Variants in PCDHGA1 observed in about 807,000 individuals in gnomAD.
PCDHGA1 encodes protocadherin gamma-A1.
PCDHGA1 carries 32 observed loss-of-function variants against 58.0 expected under a neutral mutation model. The ratio of observed to expected loss-of-function variants is 0.55; its 90% CI spans 0.42 to 0.74. The LOEUF (loss-of-function observed/expected upper bound fraction) is 0.74. Among genes scored for constraint, PCDHGA1 ranks in the 30% least tolerant of loss-of-function variants. The probability of loss-of-function intolerance (pLI) is 0.00; values close to 1 mark genes in which losing one functional copy is unlikely to be tolerated. For synonymous variants in PCDHGA1, 498 were observed against 501.1 expected (o/e 0.99, Z 0.08); for missense variants, 1,205 against 1,182.3 (o/e 1.02, Z -0.28).
At chr5:141,395,264 A>G in intron 1 of PCDHGA1, 1 of 1,549,832 alleles carries the variant, frequency 6.5e-7, no homozygotes, top group Non-Finnish European at 8.7e-7. Flanking sequence ...GCTTGCTTTT[A>G]ATTTCCAGAT....
intron 1 of PCDHGA1, chr5:141,399,009 C>T (rs759328384): frequency 8.1e-6 from 13 of 1,613,694 alleles, no homozygotes; most frequent in African/African-American, 1.3e-5. Context: ...ATTCAAAGAG[C>T]GGAGAAATTA....
Position 141,485,844 on chromosome 5 carries a change from G to A in PCDHGA1, c.2422-8963G>A, listed in dbSNP as rs201857404. On this transcript the variant is annotated intron_variant, in intron 1 of 3. Transcript: ENST00000517417. The surrounding 1 kb of genome is among the most constrained non-coding windows in gnomAD (Gnocchi z 5.7). ...GATGGAGGGAACCCGCCGAGATCTGGCACCGCAGAGCTCCGGGTATCCGTG... is the reference window on the plus strand; with the variant it reads ...GATGGAGGGAACCCGCCGAGATCTGACACCGCAGAGCTCCGGGTATCCGTG... 6 of 1,613,890 alleles carry A rather than the reference G, an allele frequency of 3.7e-6. No homozygotes were observed. In the East Asian group the frequency reaches 1.1e-4, roughly 30 times the overall value.
chr5:141,341,038 C>G (rs1757014856), intron 1 of PCDHGA1: 5 of 1,614,080 alleles, frequency 3.1e-6, no homozygotes, highest in Non-Finnish European at 4.2e-6. Context: ...ATTCGGACCT[C>G]ACTCTGTACC....
chr5:141,362,416 G>A, intron 1 of PCDHGA1: 3 of 1,614,008 alleles, frequency 1.9e-6, no homozygotes, highest in Non-Finnish European at 2.5e-6. Context: ...CTCACAATCA[G>A]CCAAGACAGA....
intron 1 of PCDHGA1, chr5:141,403,610 C>T: frequency 6.2e-7 from 1 of 1,613,860 alleles, no homozygotes; most frequent in Non-Finnish European, 8.5e-7. Context: ...TGGCGGCGAG[C>T]CGCGTCGCTC....
intron 1 of PCDHGA1, chr5:141,394,113 A>G: frequency 6.2e-7 from 1 of 1,613,950 alleles, no homozygotes; most frequent in Non-Finnish European, 8.5e-7. Flanking sequence ...ACCTCTGTCC[A>G]CTGAAACTCA....
chr5:141,375,842 C>T, intron 1 of PCDHGA1: 2 of 1,614,122 alleles, frequency 1.2e-6, no homozygotes, highest in East Asian at 4.5e-5. Flanking sequence ...GCCCGGCTAC[C>T]TGGTGACCAA....
At position 141,477,744 on chromosome 5, in the gene PCDHGA1, G is replaced by A; in HGVS notation, c.2422-17063G>A. On this transcript the variant is annotated intron_variant, in intron 1 of 3. Coordinates refer to ENST00000517417, the MANE Select transcript of PCDHGA1 (RefSeq NM_018912.3). The surrounding 1 kb of genome is among the most constrained non-coding windows in gnomAD (Gnocchi z 4.9). Reference sequence around the variant, plus strand: ...TTAACAGCTCATATCAGCGATGGGGGCACCCCGGTCCTAGCCACCAACATC... The same window carrying A: ...TTAACAGCTCATATCAGCGATGGGGACACCCCGGTCCTAGCCACCAACATC... 6.2e-7 allele frequency: 1 copy of A among 1,613,778 alleles called. No homozygotes were observed. The highest frequency in any genetic ancestry group is 8.5e-7 in the Non-Finnish European group (1 of 1,180,028).
intron 1 of PCDHGA1, chr5:141,383,196 T>C (rs7704696): frequency 0.066 from 106,221 of 1,613,864 alleles, 4,924 homozygotes; most frequent in African/African-American, 0.24. Context: ...GCGCTCAGAG[T>C]GCGCGGTGTC....
In PCDHGA1 at chr5:141,388,444, A is replaced by G. The variant is rs1034138913; in HGVS notation, c.2421+55339A>G. 28 of 1,613,890 alleles carry G rather than the reference A, an allele frequency of 1.7e-5. No individual in the cohort carries two copies. Among genetic ancestry groups the G allele is most frequent in the Non-Finnish European group, 2.4e-5 (28 of 1,179,886 alleles). Reference sequence around the variant, plus strand: ...TCACTGATAAATAAAGAGAAATCAGATGGCAGTAAATACCCTGAGATGGTA... The same window carrying G: ...TCACTGATAAATAAAGAGAAATCAGGTGGCAGTAAATACCCTGAGATGGTA... On this transcript the variant is annotated intron_variant, in intron 1 of 3. Transcript: ENST00000517417.
At chr5:141,364,448 G>A in intron 1 of PCDHGA1, 1 of 1,613,978 alleles carries the variant, frequency 6.2e-7, no homozygotes, top group Non-Finnish European at 8.5e-7. Flanking sequence ...GGAGGAGCTG[G>A]ACAAAGGCTC....
intron 1 of PCDHGA1, among the ~76,000 whole-genome samples, chr5:141,447,632 T>G (rs931349669): frequency 9.2e-5 from 14 of 152,160 alleles, no homozygotes; most frequent in Non-Finnish European, 2.1e-4. Flanking sequence ...ACCAACAGTA[T>G]GAATGATGGT....
intron 1 of PCDHGA1, among the ~76,000 whole-genome samples, chr5:141,466,965 C>G (rs1345790988): frequency 6.6e-6 from 1 of 152,016 alleles, no homozygotes; most frequent in African/African-American, 2.4e-5. Context: ...CAAATATTTT[C>G]TCACAGCTCA....
intron 1 of PCDHGA1, among the ~76,000 whole-genome samples, chr5:141,451,106 G>A (rs1204327490): frequency 1.3e-5 from 2 of 152,164 alleles, no homozygotes; most frequent in African/African-American, 4.8e-5. Context: ...GGGATTACAG[G>A]CGTGAGCCAC....
chr5:141,415,764 T>G lies in PCDHGA1; in HGVS notation c.2422-79043T>G, dbSNP rs1158166352. The G allele has an allele frequency of 5.0e-6, 7 of 1,391,674 alleles. No homozygotes were observed. The African/African-American group carries it at 7.5e-5, about 15-fold the overall frequency. 86.2% of individuals were successfully genotyped at this position (1,391,674 alleles called of 1,614,324 possible). Reference sequence around the variant, plus strand: ...GGTTTTTTTTTTTTTTTTTTTTTTTTTTTTTTTTACTTTCTGGTAAAATTC... The same window carrying G: ...GGTTTTTTTTTTTTTTTTTTTTTTTGTTTTTTTTACTTTCTGGTAAAATTC... On this transcript the variant is annotated intron_variant, in intron 1 of 3. Coordinates refer to ENST00000517417, the MANE Select transcript of PCDHGA1 (RefSeq NM_018912.3).
At chr5:141,394,154 C>A (rs770076493) in intron 1 of PCDHGA1, 1 of 1,613,918 alleles carries the variant, frequency 6.2e-7, no homozygotes, top group Admixed American at 1.7e-5. Context: ...ACATTAACGA[C>A]AACCCTCCTA....
rs186469397 is a variant in PCDHGA1 at position 141,376,362 on chromosome 5, C to G, written c.2421+43257C>G. ...ACCTATTCCCACGAGGTCTCACTCA[C>G]TGCAGACTCGCGTAAGAGTCATCTG... On this transcript the variant is annotated intron_variant, in intron 1 of 3. Transcript: ENST00000517417. 5.1e-3 allele frequency: 8,179 copies of G among 1,614,250 alleles called. 35 individuals carry two copies. The highest frequency in any genetic ancestry group is 6.1e-3 in the Non-Finnish European group (7,170 of 1,180,044).
chr5:141,331,102 T>C lies in PCDHGA1; in HGVS notation c.418T>C (p.Phe140Leu). The change falls in exon 1 of 4, where the codon TTT becomes CTT. Residue 140 changes from phenylalanine (F) to leucine (L), a missense_variant. By Grantham distance (22) the Phe-to-Leu change is conservative. Coordinates refer to ENST00000517417, the MANE Select transcript of PCDHGA1 (RefSeq NM_018912.3). ...TPQFQLEELE[F>L]KMNEITTPGT... Reference sequence around the variant, plus strand: ...CCAATTCCAGTTAGAGGAACTGGAGTTTAAAATGAATGAAATAACGACTCC... The same window carrying C: ...CCAATTCCAGTTAGAGGAACTGGAGCTTAAAATGAATGAAATAACGACTCC... 1 of 1,613,728 alleles carries C rather than the reference T, an allele frequency of 6.2e-7. No homozygotes were observed. Among genetic ancestry groups the C allele is most frequent in the Non-Finnish European group, 8.5e-7 (1 of 1,179,802 alleles).
At chr5:141,368,970 C>T (rs551619328) in intron 1 of PCDHGA1, among the ~76,000 whole-genome samples, 1 of 152,290 alleles carries the variant, frequency 6.6e-6, no homozygotes, top group South Asian at 2.1e-4. Context: ...TGCTATAATG[C>T]TTTTCCACTA....
Sources: gnomAD v4.1 joint callset for allele counts (sites outside exome capture counted in the v4.1 genomes callset) on GRCh38, gnomAD v4.1.1 for gene constraint, Gnocchi (gnomAD v3.1) non-coding constraint, MANE v1.5 for transcripts, NCBI Gene and HGNC (gene_info 2026-07-23, HGNC 2026-07-21) for gene names.